The following CTNND2 variants were observed in gnomAD, a reference collection of about 807,000 sequenced individuals.
CTNND2 encodes the protein catenin delta 2, also known as catenin delta-2.
In CTNND2, 22 loss-of-function variants were observed where a neutral mutation model predicts 144.4. That is an observed-to-expected ratio of 0.15 (90% confidence interval 0.11 to 0.22). The LOEUF (loss-of-function observed/expected upper bound fraction) is 0.22, where lower values mean the gene tolerates loss of function less well. CTNND2 is among the 10% of genes least tolerant of loss of function. The probability of loss-of-function intolerance (pLI) is 1.00; values close to 1 mark genes in which losing one functional copy is unlikely to be tolerated. For synonymous variants in CTNND2, 751 were observed against 695.6 expected (o/e 1.08, Z -1.25); for missense variants, 1,353 against 1,618.8 (o/e 0.84, Z 2.82).
intron 3 of CTNND2, among the ~76,000 whole-genome samples, chr5:11,458,492 G>A (rs1292551428): frequency 6.6e-6 from 1 of 152,188 alleles, no homozygotes; most frequent in African/African-American, 2.4e-5. Flanking sequence ...ACTTTCAGGT[G>A]GACCCTTGAG....
rs32259 is a variant in CTNND2 at position 11,222,623 on chromosome 5, T to A, written c.1761+14068A>T. On this transcript the variant is annotated intron_variant, in intron 10 of 21. Coordinates refer to ENST00000304623, the MANE Select transcript of CTNND2 (RefSeq NM_001332.4). The stretch of plus-strand genomic sequence containing the variant: ...GAGTTCAAGATCATCCTGGGTAACA[T>A]AGGGAGACCCTGTCTCTACAAAAAA... Among the ~76,000 whole-genome samples, 511 of 152,142 alleles carry A rather than the reference T, an allele frequency of 3.4e-3. 1 individual carries two copies. The highest frequency in any genetic ancestry group is 5.4e-3 in the Non-Finnish European group (370 of 67,980).
At chr5:11,638,381 G>A (rs1471233476) in intron 2 of CTNND2, among the ~76,000 whole-genome samples, 3 of 152,162 alleles carry the variant, frequency 2.0e-5, no homozygotes, top group Non-Finnish European at 4.4e-5. Context: ...ATAGCAAGAA[G>A]CACTAGCATT....
intron 3 of CTNND2, among the ~76,000 whole-genome samples, chr5:11,460,678 T>A (rs931840655): frequency 2.6e-5 from 4 of 152,130 alleles, no homozygotes; most frequent in African/African-American, 9.7e-5. Flanking sequence ...CTACTTTGCC[T>A]CAGATACAGC....
At position 11,732,121 on chromosome 5, in the gene CTNND2, T is replaced by A. The variant is rs1377294692; in HGVS notation, c.174+15A>T. 2 of 1,602,118 alleles carry A rather than the reference T, an allele frequency of 1.2e-6. No individual in the cohort carries two copies. The highest frequency in any genetic ancestry group is 1.7e-6 in the Non-Finnish European group (2 of 1,171,204). ...TGTCCCCAAACGCATATCACAAAAA[T>A]GGGAATGTTTCTACCTGTTCTTTGA... On this transcript the variant is annotated intron_variant, in intron 2 of 21. Transcript: ENST00000304623.
At chr5:11,320,203 G>A (rs911343910) in intron 9 of CTNND2, among the ~76,000 whole-genome samples, 2 of 152,198 alleles carry the variant, frequency 1.3e-5, no homozygotes, top group Non-Finnish European at 2.9e-5. Flanking sequence ...AATATTTTGT[G>A]TAACTCTCTT....
At chr5:11,306,993 C>T (rs1238149157) in intron 9 of CTNND2, among the ~76,000 whole-genome samples, 1 of 152,120 alleles carries the variant, frequency 6.6e-6, no homozygotes. Flanking sequence ...GGGTTGTTAC[C>T]AACATCCTAG....
intron 2 of CTNND2, among the ~76,000 whole-genome samples, chr5:11,719,831 T>TACAC (rs1178873446): frequency 3.4e-4 from 37 of 109,484 alleles, no homozygotes; most frequent in South Asian, 1.3e-3. Context: ...AGCTCTGACA[T>TACAC]ATACACACAC....
At chr5:11,363,521 C>T (rs1448526555) in intron 8 of CTNND2, among the ~76,000 whole-genome samples, 1 of 152,132 alleles carries the variant, frequency 6.6e-6, no homozygotes, top group East Asian at 1.9e-4. Context: ...GAAAAAAATT[C>T]TGACAGAAGA....
At chr5:11,120,493 G>A (rs1175333593) in intron 12 of CTNND2, among the ~76,000 whole-genome samples, 1 of 149,358 alleles carries the variant, frequency 6.7e-6, no homozygotes. Flanking sequence ...TTATCATGCT[G>A]TCCGCAGGGG....
intron 1 of CTNND2, among the ~76,000 whole-genome samples, chr5:11,770,415 AGAAGGAAGGAAGGAAGGAAG>A (rs1206057309): frequency 4.4e-3 from 44 of 10,030 alleles, no homozygotes; most frequent in African/African-American, 4.6e-3. Context: ...AAAAAAGGAA[AGAAGGAAGGAAGGAAGGAAG>A]GAAGGAAGGA....
At chr5:11,020,006 C>T (rs1742068461) in intron 17 of CTNND2, among the ~76,000 whole-genome samples, 1 of 152,106 alleles carries the variant, frequency 6.6e-6, no homozygotes, top group African/African-American at 2.4e-5. Context: ...ATAACAATTA[C>T]ACAATTGGAG....
intron 2 of CTNND2, among the ~76,000 whole-genome samples, chr5:11,609,742 C>A (rs115124623): frequency 0.011 from 1,739 of 152,200 alleles, 28 homozygotes; most frequent in African/African-American, 0.041. Flanking sequence ...TGTGTCTTGG[C>A]AAAGCCTGGC....
rs940687414 is a variant in CTNND2 at position 11,888,710 on chromosome 5, C to T, written c.37+15107G>A. On this transcript the variant is annotated intron_variant, in intron 1 of 21. Transcript: ENST00000304623. ...CCTACTACTTGCAACACAGCAATGTCGGCCTGGTTGTGTATTTTTCAAGTT... is the reference window on the plus strand; with the variant it reads ...CCTACTACTTGCAACACAGCAATGTTGGCCTGGTTGTGTATTTTTCAAGTT... Among the ~76,000 whole-genome samples the T allele has an allele frequency of 4.6e-5, 7 of 150,960 alleles. No homozygotes were observed. The South Asian group carries it at 6.3e-4, about 14-fold the overall frequency.
At chr5:11,435,097 CA>C (rs1662165960) in intron 3 of CTNND2, among the ~76,000 whole-genome samples, 1 of 150,970 alleles carries the variant, frequency 6.6e-6, no homozygotes, top group Non-Finnish European at 1.5e-5. Flanking sequence ...TACAGATTAG[CA>C]AACGTTTTCT....
chr5:11,749,373 C>T (rs1788485262), intron 1 of CTNND2, among the ~76,000 whole-genome samples: 1 of 151,984 alleles, frequency 6.6e-6, no homozygotes, highest in African/African-American at 2.4e-5. Context: ...AGGGTCATTA[C>T]CTAATGCTGA....
intron 3 of CTNND2, among the ~76,000 whole-genome samples, chr5:11,531,483 G>A (rs1440738055): frequency 3.3e-5 from 5 of 152,036 alleles, no homozygotes; most frequent in South Asian, 2.1e-4. Flanking sequence ...AAAATTACCC[G>A]TGCATGGTGG....
chr5:11,194,849 G>T (rs1054072913), intron 11 of CTNND2, among the ~76,000 whole-genome samples: 2 of 152,106 alleles, frequency 1.3e-5, no homozygotes, highest in Admixed American at 6.6e-5. Context: ...ACACAAAAGA[G>T]AATTCTTAGA....
At chr5:11,706,001 T>C (rs923217081) in intron 2 of CTNND2, among the ~76,000 whole-genome samples, 3 of 152,220 alleles carry the variant, frequency 2.0e-5, no homozygotes, top group Non-Finnish European at 2.9e-5. Context: ...CAAGGAATTA[T>C]GAGTAACCTT....
At chr5:11,491,815 A>T (rs999550582) in intron 3 of CTNND2, among the ~76,000 whole-genome samples, 14 of 152,184 alleles carry the variant, frequency 9.2e-5, no homozygotes, top group Non-Finnish European at 4.4e-5. Flanking sequence ...TACCCAGTCA[A>T]TGTTTTAAAT....
Sources: gnomAD v4.1 joint callset for allele counts (sites outside exome capture counted in the v4.1 genomes callset) on GRCh38, gnomAD v4.1.1 for gene constraint, MANE v1.5 for transcripts, NCBI Gene and HGNC (gene_info 2026-07-23, HGNC 2026-07-21) for gene names.